The following ARF1 variants were observed in gnomAD, a reference collection of about 807,000 sequenced individuals.
ARF1 encodes ARF GTPase 1, also known as ADP-ribosylation factor 1.
In ARF1, 1 loss-of-function variant was observed where a neutral mutation model predicts 18.0. That is an observed-to-expected ratio of 0.06 (90% CI 0.02 to 0.26). ARF1 has a LOEUF of 0.26. Among genes scored for constraint, ARF1 ranks in the 10% least tolerant of loss-of-function variants. The probability of loss-of-function intolerance (pLI) is 1.00; values close to 1 mark genes in which losing one functional copy is unlikely to be tolerated. For missense variants in ARF1, 73 were observed against 247.2 expected (o/e 0.30, Z 4.73); for synonymous variants, 112 against 96.3 (o/e 1.16, Z -0.95).
chr1:228,094,864 C>CT (rs2032689888), intron 1 of ARF1, among the ~76,000 whole-genome samples: 1 of 152,200 alleles, frequency 6.6e-6, no homozygotes, highest in Admixed American at 6.5e-5. Flanking sequence ...TCATTTGCCC[C>CT]TGTGCATTCT....
Position 228,089,495 on chromosome 1 carries a change from T to G in ARF1, c.-38+6730T>G, listed in dbSNP as rs1221071011. Among the ~76,000 whole-genome samples, 1 of 152,270 alleles carries G rather than the reference T, an allele frequency of 6.6e-6. No individual in the cohort carries two copies. The highest frequency in any genetic ancestry group is 1.5e-5 in the Non-Finnish European group (1 of 68,048). The stretch of plus-strand genomic sequence containing the variant: ...CCACTCCCATTGTTGCACTTCGCTT[T>G]TGATTTCTCTGGAAGAGCAAGTCTT... On this transcript the variant is annotated intron_variant, in intron 1 of 4. Coordinates refer to ENST00000272102, the MANE Select transcript of ARF1 (RefSeq NM_001658.4). The surrounding 1 kb of genome is among the most constrained non-coding windows in gnomAD (Gnocchi z 4.1).
chr1:228,087,960 A>G (rs822728), intron 1 of ARF1, among the ~76,000 whole-genome samples: 8,787 of 152,254 alleles, frequency 0.058, 854 homozygotes, highest in African/African-American at 0.2. Context: ...CATGAGCCCT[A>G]TGGGCCTGAT....
chr1:228,095,031 TG>T (rs1421399622), intron 1 of ARF1, among the ~76,000 whole-genome samples: 5 of 152,214 alleles, frequency 3.3e-5, no homozygotes, highest in Non-Finnish European at 5.9e-5. Flanking sequence ...GGGTTTCTGT[TG>T]GTTGATATCT....
intron 1 of ARF1, among the ~76,000 whole-genome samples, chr1:228,093,295 C>G (rs572596391): frequency 4.6e-5 from 7 of 152,148 alleles, no homozygotes; most frequent in Non-Finnish European, 8.8e-5. Context: ...CCAAGAGGCC[C>G]TGGAATTGAG....
intron 1 of ARF1, among the ~76,000 whole-genome samples, chr1:228,085,545 C>T (rs1438424928): frequency 1.3e-5 from 2 of 152,208 alleles, no homozygotes; most frequent in Non-Finnish European, 2.9e-5. Flanking sequence ...CTTGACTAAT[C>T]CTGGTTTCCT....
intron 1 of ARF1, among the ~76,000 whole-genome samples, chr1:228,090,145 C>T (rs557097702): frequency 4.6e-5 from 7 of 152,334 alleles, no homozygotes; most frequent in African/African-American, 7.2e-5. Flanking sequence ...GCTGTGCCAT[C>T]GCACAGTCAT....
At chr1:228,090,631 CAACTGCA>C (rs1483161084) in intron 1 of ARF1, 1 of 152,226 alleles carries the variant, frequency 6.6e-6, no homozygotes, top group African/African-American at 2.4e-5. Context: ...AGGTAGAGGC[CAACTGCA>C]CCCTGCCTGC....
intron 1 of ARF1, among the ~76,000 whole-genome samples, chr1:228,096,288 C>T (rs562260823): frequency 6.6e-6 from 1 of 152,396 alleles, no homozygotes; most frequent in Admixed American, 6.5e-5. Flanking sequence ...AAGCCTTCCT[C>T]ACTCGGGGTA....
chr1:228,087,445 C>T (rs2032441871), intron 1 of ARF1, among the ~76,000 whole-genome samples: 1 of 152,208 alleles, frequency 6.6e-6, no homozygotes. Flanking sequence ...AATACATCTT[C>T]TGGCAATTTT....
chr1:228,088,011 G>A (rs1423512603), intron 1 of ARF1: 1 of 152,208 alleles, frequency 6.6e-6, no homozygotes, highest in African/African-American at 2.4e-5. Flanking sequence ...CCTTGGTGGT[G>A]AGTCACTTGT....
chr1:228,098,230 G>A lies in ARF1; in HGVS notation c.*217G>A. ...ATGAGGCAGTTTCTGGTACTCCTAT[G>A]CAATATTACTCAGCTTTTTTTATTG... On this transcript the variant is annotated 3_prime_UTR_variant, in exon 5 of 5. Transcript: ENST00000272102. 1 of 508,132 alleles carries A rather than the reference G, an allele frequency of 2.0e-6. No homozygotes were observed. Among genetic ancestry groups the A allele is most frequent in the Non-Finnish European group, 3.4e-6 (1 of 295,942 alleles). 31.5% of individuals were successfully genotyped at this position (508,132 alleles called of 1,614,324 possible). A position where few individuals can be genotyped will look rare whatever the true frequency, so the allele number is the denominator to read the frequency against.
At chr1:228,087,653 T>G (rs1199746336) in intron 1 of ARF1, among the ~76,000 whole-genome samples, 1 of 151,994 alleles carries the variant, frequency 6.6e-6, no homozygotes, top group African/African-American at 2.4e-5. Context: ...TTAAAAAAAT[T>G]TATACCTACT....
rs2032799285 is a variant in ARF1, at chr1:228,097,769, G to C, written c.384+54G>C. Reference sequence around the variant, plus strand: ...TGAGGAGCCAGTGTGGGTTCCGCCTGGTGGTAGGGGTTACTGGAGGCTGGT... The same window carrying C: ...TGAGGAGCCAGTGTGGGTTCCGCCTCGTGGTAGGGGTTACTGGAGGCTGGT... On this transcript the variant is annotated intron_variant, in intron 4 of 4. Transcript: ENST00000272102. This position sits in a 1 kb window ranked among gnomAD's most constrained non-coding sequence, Gnocchi z 8.1. 2.5e-6 allele frequency: 4 copies of C among 1,588,896 alleles called. No individual in the cohort carries two copies. The highest frequency in any genetic ancestry group is 3.4e-6 in the Non-Finnish European group (4 of 1,166,122).
chr1:228,088,839 C>T (rs934554840), intron 1 of ARF1, among the ~76,000 whole-genome samples: 3 of 152,284 alleles, frequency 2.0e-5, no homozygotes, highest in East Asian at 3.9e-4. Context: ...CCGTCTTGTG[C>T]GAGTGCTGGG....
In ARF1 at chr1:228,089,966, T is replaced by C. The variant is rs938287798; in HGVS notation, c.-37-7112T>C. On this transcript the variant is annotated intron_variant, in intron 1 of 4. Coordinates refer to ENST00000272102, the MANE Select transcript of ARF1 (RefSeq NM_001658.4). This position sits in a 1 kb window ranked among gnomAD's most constrained non-coding sequence, Gnocchi z 4.1. ...ACTCCCCTGAAAACCAGGGTAGCAT[T>C]GTCACATCAGATAGCTCCGCTACGT... Among the ~76,000 whole-genome samples the C allele has an allele frequency of 2.2e-4, 34 of 152,220 alleles. No homozygotes were observed. The highest frequency in any genetic ancestry group is 7.7e-4 in the African/African-American group (32 of 41,464).
At chr1:228,086,641 G>A (rs922453020) in intron 1 of ARF1, among the ~76,000 whole-genome samples, 2 of 152,186 alleles carry the variant, frequency 1.3e-5, no homozygotes, top group Non-Finnish European at 2.9e-5. Context: ...CCTGGAGAAT[G>A]GCACAGCCAG....
Position 228,097,198 on chromosome 1 carries a change from A to T in ARF1, c.84A>T (p.Ala28=). The change falls in exon 2 of 5, where the codon GCA becomes GCT. Residue 28 remains alanine, a synonymous_variant. Coordinates refer to ENST00000272102, the MANE Select transcript of ARF1 (RefSeq NM_001658.4). The surrounding 1 kb of genome is among the most constrained non-coding windows in gnomAD (Gnocchi z 8.1). Reference sequence around the variant, plus strand: ...TCCTCATGGTGGGCCTGGATGCTGCAGGGAAGACCACGATCCTCTACAAGC... The same window carrying T: ...TCCTCATGGTGGGCCTGGATGCTGCTGGGAAGACCACGATCCTCTACAAGC... ...MRILMVGLDA[A]GKTTILYKLK... is the part of the protein sequence containing the mutation. 6.2e-7 allele frequency: 1 copy of T among 1,614,002 alleles called. No homozygotes were observed. The highest frequency in any genetic ancestry group is 8.5e-7 in the Non-Finnish European group (1 of 1,179,956).
rs2032689211 is a variant in ARF1 at position 228,094,856 on chromosome 1, A to G, written c.-37-2222A>G. On this transcript the variant is annotated intron_variant, in intron 1 of 4. Coordinates refer to ENST00000272102, the MANE Select transcript of ARF1 (RefSeq NM_001658.4). ...CATTCTCTGGGGCATCAGAGGTGTC[A>G]TTTGCCCCTGTGCATTCTGGAGTCC... Among the ~76,000 whole-genome samples the G allele has an allele frequency of 2.0e-5, 3 of 152,226 alleles. No individual in the cohort carries two copies. In the South Asian group the frequency reaches 6.2e-4, roughly 32 times the overall value.
chr1:228,097,087 G>T lies in ARF1; in HGVS notation c.-28G>T. ...CACCTTGTCTCTCCAGGTGTCCCTG[G>T]CCAGTGTCCTTCCACCTGTCCACAA... On this transcript the variant is annotated 5_prime_UTR_variant, in exon 2 of 5. Coordinates refer to ENST00000272102, the MANE Select transcript of ARF1 (RefSeq NM_001658.4). The surrounding 1 kb of genome is among the most constrained non-coding windows in gnomAD (Gnocchi z 8.1). The T allele has an allele frequency of 6.4e-7, 1 of 1,574,552 alleles. No individual in the cohort carries two copies. Among genetic ancestry groups the T allele is most frequent in the Non-Finnish European group, 8.6e-7 (1 of 1,159,734 alleles).
Sources: gnomAD v4.1 joint callset for allele counts (sites outside exome capture counted in the v4.1 genomes callset) on GRCh38, gnomAD v4.1.1 for gene constraint, Gnocchi (gnomAD v3.1) non-coding constraint, MANE v1.5 for transcripts, NCBI Gene and HGNC (gene_info 2026-07-23, HGNC 2026-07-21) for gene names.